The following TFEC variants were observed in gnomAD, a reference collection of about 807,000 sequenced individuals.
The protein encoded by TFEC is transcription factor EC, also known as class E basic helix-loop-helix protein 34.
In TFEC, 31 loss-of-function variants were observed where a neutral mutation model predicts 41.6. The observed-to-expected ratio is 0.74, with a 90% CI of 0.56 to 1.01. The LOEUF (loss-of-function observed/expected upper bound fraction) is 1.01. Ranked by LOEUF, TFEC falls within the 50% of genes least tolerant of loss-of-function variation. The pLI is 0.00. For missense variants in TFEC, 402 were observed against 404.1 expected (o/e 0.99, Z 0.04); for synonymous variants, 143 against 140.6 (o/e 1.02, Z -0.12).
chr7:115,949,308 C>A (rs1241424500), intron 6 of TFEC, among the ~76,000 whole-genome samples: 2 of 152,008 alleles, frequency 1.3e-5, no homozygotes, highest in African/African-American at 4.8e-5. Flanking sequence ...CCATCCCCAT[C>A]AAGCTACCAA....
intron 1 of TFEC, among the ~76,000 whole-genome samples, chr7:115,985,633 A>T (rs1793818262): frequency 6.6e-6 from 1 of 152,130 alleles, no homozygotes; most frequent in South Asian, 2.1e-4. Context: ...ACAATATTGT[A>T]GTAGTTACTT....
chr7:115,959,067 G>A (rs1792391644), intron 3 of TFEC, among the ~76,000 whole-genome samples: 2 of 151,724 alleles, frequency 1.3e-5, no homozygotes, highest in African/African-American at 4.8e-5. Context: ...ACTTAATTTT[G>A]TAGATCAGTA....
rs371859040 is a variant in TFEC, at chr7:116,018,359, A to G, written c.-73+12274T>C. On this transcript the variant is annotated intron_variant, in intron 1 of 7. Coordinates refer to ENST00000265440, the MANE Select transcript of TFEC (RefSeq NM_012252.4). ...CAGAAAGAGAAATTTTGGGGACTTC[A>G]GTTATTACAGATGGCTCCAGGGTTA... Among the ~76,000 whole-genome samples, 5 of 152,328 alleles carry G rather than the reference A, an allele frequency of 3.3e-5. No individual in the cohort carries two copies. In the East Asian group the frequency reaches 9.6e-4, roughly 29 times the overall value.
At chr7:116,152,752 G>A (rs370179942) in intron 1 of TFEC, among the ~76,000 whole-genome samples, 56 of 152,256 alleles carry the variant, frequency 3.7e-4, no homozygotes, top group African/African-American at 1.3e-3. Flanking sequence ...ATATGTTTCT[G>A]AGCGACTTAA....
At chr7:115,944,684 C>G (rs1793698520) in intron 6 of TFEC, among the ~76,000 whole-genome samples, 1 of 151,598 alleles carries the variant, frequency 6.6e-6, no homozygotes, top group Admixed American at 6.6e-5. Context: ...GCCACAATTG[C>G]TGCTATATGC....
intron 1 of TFEC, among the ~76,000 whole-genome samples, chr7:116,029,682 C>A (rs571347220): frequency 6.6e-6 from 1 of 151,650 alleles, no homozygotes; most frequent in African/African-American, 2.4e-5. Flanking sequence ...TTTATATAAG[C>A]AAATGTATAT....
At chr7:116,055,412 T>C (rs759727224) in intron 3 of TFEC, among the ~76,000 whole-genome samples, 1 of 152,048 alleles carries the variant, frequency 6.6e-6, no homozygotes, top group Non-Finnish European at 1.5e-5. Context: ...AATATATGTG[T>C]ATTAAAGAGA....
rs567461601 is a variant in TFEC, at chr7:116,053,465, C to T, written c.198+57243G>A. ...CTAGCCTTATAGTGTAGTGTTGATA[C>T]GGTTTGAATGTCTTTTCCAAAAGTC... On this transcript the variant is annotated intron_variant, in intron 3 of 8. Transcript: ENST00000484212. Among the ~76,000 whole-genome samples, 4 of 152,272 alleles carry T rather than the reference C, an allele frequency of 2.6e-5. No homozygotes were observed. The South Asian group carries it at 6.2e-4, about 24-fold the overall frequency.
intron 1 of TFEC, among the ~76,000 whole-genome samples, chr7:116,138,381 C>A (rs988321024): frequency 9.2e-5 from 14 of 152,086 alleles, no homozygotes; most frequent in African/African-American, 3.1e-4. Context: ...TGACTTTTGT[C>A]CACTAGATGT....
chr7:116,036,884 G>GAA (rs1246087431), intron 3 of TFEC, among the ~76,000 whole-genome samples: 8 of 152,058 alleles, frequency 5.3e-5, no homozygotes, highest in Admixed American at 4.6e-4. Flanking sequence ...GAAATACCAT[G>GAA]AAAGTAGAGG....
upstream of TFEC, among the ~76,000 whole-genome samples, chr7:116,032,505 A>G (rs1181350724): frequency 1.3e-5 from 2 of 152,206 alleles, no homozygotes; most frequent in Admixed American, 6.6e-5. Flanking sequence ...ACAGTCATAA[A>G]AAAGAATGAG....
At chr7:115,993,258 T>A (rs1051048702) in intron 1 of TFEC, among the ~76,000 whole-genome samples, 1 of 152,166 alleles carries the variant, frequency 6.6e-6, no homozygotes, top group African/African-American at 2.4e-5. Flanking sequence ...TCATACTGAA[T>A]GGGAAAAAAC....
At chr7:116,145,352 C>A (rs1043230100) in intron 1 of TFEC, among the ~76,000 whole-genome samples, 8 of 152,126 alleles carry the variant, frequency 5.3e-5, no homozygotes, top group Admixed American at 3.3e-4. Context: ...CTTTTGCTGT[C>A]CCATGTGAAG....
At chr7:116,017,527 A>AT (rs778649399) in intron 1 of TFEC, among the ~76,000 whole-genome samples, 1 of 151,904 alleles carries the variant, frequency 6.6e-6, no homozygotes, top group Non-Finnish European at 1.5e-5. Flanking sequence ...GGCACTTTCC[A>AT]TTTTATCTAG....
Position 115,990,803 on chromosome 7 carries a change from C to T in TFEC, c.-72-6290G>A, listed in dbSNP as rs560138081. On this transcript the variant is annotated intron_variant, in intron 1 of 7. Coordinates refer to ENST00000265440, the MANE Select transcript of TFEC (RefSeq NM_012252.4). ...GAGAATGGAACCAAGTTGGAAAACA[C>T]TCTTCAGGATATCATCCAGGAGAAC... Among the ~76,000 whole-genome samples, 52 of 152,334 alleles carry T rather than the reference C, an allele frequency of 3.4e-4. 1 individual carries two copies. Among genetic ancestry groups the T allele is most frequent in the African/African-American group, 1.1e-3 (46 of 41,574 alleles).
In TFEC at chr7:116,028,784, CATA is replaced by C. The variant is rs370893157; in HGVS notation, c.-73+1846_-73+1848del. 3.2e-4 allele frequency among the ~76,000 whole-genome samples: 48 copies of C among 152,284 alleles called. No individual in the cohort carries two copies. The East Asian group carries it at 8.3e-3, about 26-fold the overall frequency. ...CACTATTATGGAAAATATCAACAGC[CATA>C]ATGATTCCATTTGAGTTATATTTCA... On this transcript the variant is annotated intron_variant, in intron 1 of 7. Coordinates refer to ENST00000265440, the MANE Select transcript of TFEC (RefSeq NM_012252.4).
At chr7:116,049,887 C>T (rs1186649699) in intron 3 of TFEC, among the ~76,000 whole-genome samples, 1 of 152,088 alleles carries the variant, frequency 6.6e-6, no homozygotes, top group Non-Finnish European at 1.5e-5. Context: ...CTACTGGGTA[C>T]ACAACGAAAT....
intron 1 of TFEC, among the ~76,000 whole-genome samples, chr7:116,153,949 G>C (rs1798816237): frequency 6.6e-6 from 1 of 152,168 alleles, no homozygotes; most frequent in African/African-American, 2.4e-5. Context: ...ACAGAAAAGT[G>C]TCCCCAGGTT....
intron 3 of TFEC, among the ~76,000 whole-genome samples, chr7:116,052,293 T>C (rs1796329329): frequency 1.3e-5 from 2 of 152,192 alleles, no homozygotes; most frequent in Non-Finnish European, 2.9e-5. Context: ...TTGAAATATT[T>C]ATTTACATTT....
Sources: allele counts gnomAD v4.1 joint callset (sites outside exome capture counted in the v4.1 genomes callset), GRCh38; gene constraint gnomAD v4.1.1; transcripts MANE v1.5; gene names NCBI Gene and HGNC (gene_info 2026-07-23, HGNC 2026-07-21).